SVIL: variants seen among roughly 807,000 people sequenced by gnomAD.
SVIL encodes the protein supervillin, also known as archvillin.
SVIL carries 101 observed loss-of-function variants against 240.4 expected under a neutral mutation model. That is an observed-to-expected ratio of 0.42 (90% CI 0.36 to 0.50). The LOEUF is 0.50. SVIL is among the 20% of genes least tolerant of loss of function. The pLI is 0.01. For synonymous variants in SVIL, 999 were observed against 1,100.0 expected, an observed-to-expected ratio of 0.91 and a Z score of 1.82; for missense variants, 2,512 against 2,818.7, an observed-to-expected ratio of 0.89 and a Z score of 2.46.
At chr10:29,524,990 G>T (rs965643793) in intron 13 of SVIL, among the ~76,000 whole-genome samples, 2 of 152,088 alleles carry the variant, frequency 1.3e-5, no homozygotes, top group African/African-American at 4.8e-5. Context: ...AGTCAGCTTG[G>T]CTATACCTTA....
At chr10:29,564,058 C>T (rs1300812389) in intron 2 of SVIL, among the ~76,000 whole-genome samples, 1 of 152,100 alleles carries the variant, frequency 6.6e-6, no homozygotes, top group African/African-American at 2.4e-5. Context: ...CTTGCCCCGC[C>T]CACCCAGGCC....
chr10:29,471,642 C>T (rs1451373805), intron 30 of SVIL, among the ~76,000 whole-genome samples: 1 of 152,214 alleles, frequency 6.6e-6, no homozygotes, highest in Non-Finnish European at 1.5e-5. Flanking sequence ...AATGACTCAT[C>T]ACTGACTTGG....
chr10:29,522,897 T>C (rs1172540906), intron 15 of SVIL, among the ~76,000 whole-genome samples: 2 of 152,194 alleles, frequency 1.3e-5, no homozygotes, highest in Non-Finnish European at 2.9e-5. Flanking sequence ...GCTTTAACTA[T>C]TTACTCCAGA....
At chr10:29,621,658 T>C (rs1957645918) in intron 1 of SVIL, among the ~76,000 whole-genome samples, 1 of 152,212 alleles carries the variant, frequency 6.6e-6, no homozygotes, top group Non-Finnish European at 1.5e-5. Context: ...CAAAACCACA[T>C]GGGCTGTGGG....
intron 1 of SVIL, among the ~76,000 whole-genome samples, chr10:29,622,006 T>G (rs1252561230): frequency 6.6e-6 from 1 of 151,222 alleles, no homozygotes; most frequent in Non-Finnish European, 1.5e-5. Context: ...ATCCCAGCAC[T>G]TTGGGAGGCC....
In SVIL at chr10:29,523,803, A is replaced by G. The variant is rs1390110737; in HGVS notation, c.2811T>C (p.Gly937=). The G allele has an allele frequency of 3.1e-6, 5 of 1,614,146 alleles. No homozygotes were observed. Among genetic ancestry groups the G allele is most frequent in the African/African-American group, 2.7e-5 (2 of 75,022 alleles). Reference sequence around the variant, plus strand: ...CTCTCAACATTCCCTTGTTCTCGCTACCCTCTACCAAAGGCTGCCAAGCTT... The same window carrying G: ...CTCTCAACATTCCCTTGTTCTCGCTGCCCTCTACCAAAGGCTGCCAAGCTT... ...KSQAWQPLVE[G]SENKGMLREY... The change falls in exon 15 of 38, where the codon GGT becomes GGC. Residue 937 remains glycine, a synonymous_variant. Coordinates refer to ENST00000355867, the MANE Select transcript of SVIL (RefSeq NM_021738.3).
intron 29 of SVIL, among the ~76,000 whole-genome samples, chr10:29,478,121 C>T (rs1471855410): frequency 6.6e-6 from 1 of 151,976 alleles, no homozygotes; most frequent in East Asian, 1.9e-4. Flanking sequence ...AGTTCCATTA[C>T]TCCAAAGGTT....
At chr10:29,528,973 T>C (rs571399850) in intron 12 of SVIL, among the ~76,000 whole-genome samples, 21 of 151,888 alleles carry the variant, frequency 1.4e-4, no homozygotes, top group African/African-American at 4.8e-4. Flanking sequence ...GTCAGGAGTT[T>C]GAGACCAGCC....
chr10:29,530,460 A>AT (rs937249000), intron 11 of SVIL, 147 bp downstream of exon 11: 113 of 836,562 alleles, frequency 1.4e-4, no homozygotes, highest in Middle Eastern at 7.9e-4. Flanking sequence ...TACAATTTTT[A>AT]TTTTTTTTGA....
In SVIL at chr10:29,522,473, A is replaced by C. The variant is rs1016082236; in HGVS notation, c.3326T>G (p.Ile1109Ser). 1.2e-6 allele frequency: 2 copies of C among 1,613,922 alleles called. No individual in the cohort carries two copies. The highest frequency in any genetic ancestry group is 1.7e-6 in the Non-Finnish European group (2 of 1,180,020). Residue 1109 changes from isoleucine (I) to serine (S), a missense_variant, in exon 16 of 38, where the codon ATC (isoleucine) becomes AGC (serine). Transcript: ENST00000355867. ...NPCAMFAAGEIKTPTGEGLLD... is the reference protein window; with the variant it reads ...NPCAMFAAGESKTPTGEGLLD... ...AAGGCCCTCCCCTGTCGGCGTTTTG[A>C]TCTCTCCAGCAGCAAACATCGCACA...
intron 5 of SVIL, 78 bp downstream of exon 5, chr10:29,554,705 A>G: frequency 7.0e-7 from 1 of 1,427,120 alleles, no homozygotes; most frequent in South Asian, 1.6e-5. Flanking sequence ...TCATGTTCTG[A>G]TACCACTGGG....
In SVIL at chr10:29,601,953, TCTC is replaced by T. The variant is rs542216368; in HGVS notation, c.-201+32464_-201+32466del. On this transcript the variant is annotated intron_variant, in intron 1 of 37. Transcript: ENST00000355867. ...GTTTGTTGATGGCTGAGTCCTTTATTCTCCTAATTGTTTCTCTTTGTACCAGTT... is the reference window on the plus strand; with the variant it reads ...GTTTGTTGATGGCTGAGTCCTTTATTCTAATTGTTTCTCTTTGTACCAGTT... 3.3e-5 allele frequency among the ~76,000 whole-genome samples: 5 copies of T among 152,310 alleles called. No homozygotes were observed. In the South Asian group the frequency reaches 1.0e-3, roughly 32 times the overall value.
At chr10:29,725,844 G>A (rs1194406403) in intron 1 of SVIL, among the ~76,000 whole-genome samples, 1 of 152,186 alleles carries the variant, frequency 6.6e-6, no homozygotes, top group Non-Finnish European at 1.5e-5. Context: ...GAACCGTCTA[G>A]ACTAGATCCC....
At chr10:29,521,269 A>AGACTTTTCATT in intron 16 of SVIL, among the ~76,000 whole-genome samples, 1 of 151,912 alleles carries the variant, frequency 6.6e-6, no homozygotes, top group East Asian at 1.9e-4. Flanking sequence ...GAAAGAAAGA[A>AGACTTTTCATT]GACTTTTCAT....
chr10:29,675,529 A>G (rs114763370), intron 2 of SVIL, among the ~76,000 whole-genome samples: 2,269 of 152,248 alleles, frequency 0.015, 63 homozygotes, highest in African/African-American at 0.051. Context: ...AGCCCTCTCC[A>G]GGCTAGGATG....
At chr10:29,465,202 CTTT>C (rs1253006576) in intron 34 of SVIL, among the ~76,000 whole-genome samples, 5 of 152,108 alleles carry the variant, frequency 3.3e-5, no homozygotes, top group Admixed American at 6.5e-5. Flanking sequence ...TTTCCTTCCC[CTTT>C]CTTTCTCTTT....
intron 1 of SVIL, among the ~76,000 whole-genome samples, chr10:29,690,985 A>G (rs1961453279): frequency 1.3e-5 from 2 of 152,240 alleles, no homozygotes; most frequent in Non-Finnish European, 2.9e-5. Context: ...AATGAAAGCT[A>G]TTCTAGTATC....
In SVIL at chr10:29,482,312, G is replaced by C. The variant is rs139591932; in HGVS notation, c.4956-584C>G. ...GTCTCCCAAAGTGCTGGGACTACAG[G>C]TGTGGGCCACATTCTAGCAAATTCT... On this transcript the variant is annotated intron_variant, in intron 27 of 37. Coordinates refer to ENST00000355867, the MANE Select transcript of SVIL (RefSeq NM_021738.3). Among the ~76,000 whole-genome samples the C allele has an allele frequency of 2.3e-3, 354 of 152,260 alleles. 3 individuals carry two copies. The highest frequency in any genetic ancestry group is 7.9e-3 in the African/African-American group (329 of 41,562).
rs577806276 is a variant in SVIL, at chr10:29,522,609, C to T, written c.3190G>A (p.Glu1064Lys). The T allele has an allele frequency of 1.2e-5, 19 of 1,614,132 alleles. No homozygotes were observed. In the Admixed American group the frequency reaches 2.2e-4, roughly 18 times the overall value. ...RAAEFGEPTS[E>K]QTGTAAGKTI... ...TTCCCAGCAGCTGTCCCCGTCTGCT[C>T]GGAAGTGGGCTCCCCGAACTCTGCC... The change falls in exon 16 of 38, where the codon GAG (glutamate) becomes AAG (lysine). Residue 1064 changes from glutamate to lysine, a missense_variant. This residue lies in a region of SVIL where 1,443 missense variants were observed against 1,486.6 expected (regional missense o/e 0.97). Coordinates refer to ENST00000355867, the MANE Select transcript of SVIL (RefSeq NM_021738.3).
Sources: allele counts gnomAD v4.1 joint callset (sites outside exome capture counted in the v4.1 genomes callset), GRCh38; gene constraint gnomAD v4.1.1; regional missense constraint gnomAD v4.1.1; transcripts MANE v1.5; gene names NCBI Gene and HGNC (gene_info 2026-07-23, HGNC 2026-07-21).